Variants in PPP2R2B observed in about 807,000 individuals in gnomAD.
PPP2R2B encodes the protein serine/threonine-protein phosphatase 2A 55 kDa regulatory subunit B beta isoform.
In PPP2R2B, 5 loss-of-function variants were observed where a neutral mutation model predicts 46.0. The observed-to-expected ratio is 0.11, with a 90% CI of 0.06 to 0.23. The LOEUF is 0.23. PPP2R2B is among the 10% of genes least tolerant of loss of function. The probability of loss-of-function intolerance (pLI) is 1.00; values close to 1 mark genes in which losing one functional copy is unlikely to be tolerated. For synonymous variants in PPP2R2B, 215 were observed against 206.7 expected, an observed-to-expected ratio of 1.04 and a Z score of -0.34; for missense variants, 367 against 575.0, an observed-to-expected ratio of 0.64 and a Z score of 3.70.
At chr5:146,668,572 C>A (rs968157074) in intron 5 of PPP2R2B, among the ~76,000 whole-genome samples, 60 of 152,286 alleles carry the variant, frequency 3.9e-4, no homozygotes, top group South Asian at 2.1e-4. Context: ...TCTTCTGGAA[C>A]AACACACTAT....
intron 2 of PPP2R2B, among the ~76,000 whole-genome samples, chr5:147,080,889 GA>G (rs564757567): frequency 1.3e-4 from 19 of 147,132 alleles, no homozygotes; most frequent in East Asian, 3.9e-4. Flanking sequence ...AATTTCAACA[GA>G]AAAAAAAAAC....
intron 2 of PPP2R2B, among the ~76,000 whole-genome samples, chr5:147,072,853 G>T (rs919482131): frequency 9.9e-5 from 15 of 152,226 alleles, no homozygotes; most frequent in African/African-American, 3.6e-4. Flanking sequence ...ATGTGGGTCT[G>T]TGTACCCAGA....
At chr5:146,758,874 C>T (rs1193274952) in intron 2 of PPP2R2B, among the ~76,000 whole-genome samples, 1 of 152,156 alleles carries the variant, frequency 6.6e-6, no homozygotes, top group Non-Finnish European at 1.5e-5. Flanking sequence ...AATCCTGTCT[C>T]TACAGACCCC....
At chr5:146,706,822 T>C (rs1779890974) in intron 2 of PPP2R2B, 2 of 933,668 alleles carry the variant, frequency 2.1e-6, no homozygotes, top group Non-Finnish European at 3.5e-6. Context: ...CCTCGTACTG[T>C]ACCTTGACCT....
At chr5:146,821,791 C>G (rs1385965452) in intron 2 of PPP2R2B, among the ~76,000 whole-genome samples, 1 of 151,036 alleles carries the variant, frequency 6.6e-6, no homozygotes, top group Admixed American at 6.6e-5. Context: ...AAAAAAAAAG[C>G]TTAATTACAT....
chr5:146,646,078 T>C (rs1228551169), intron 6 of PPP2R2B, among the ~76,000 whole-genome samples: 1 of 152,224 alleles, frequency 6.6e-6, no homozygotes, highest in African/African-American at 2.4e-5. Flanking sequence ...ATATTCCCTG[T>C]CTTCACAGAA....
intron 2 of PPP2R2B, among the ~76,000 whole-genome samples, chr5:147,063,776 C>A (rs150215887): frequency 3.3e-5 from 5 of 152,268 alleles, no homozygotes; most frequent in African/African-American, 1.2e-4. Flanking sequence ...TCTTCTTGGA[C>A]AGATGAGAAT....
Position 146,595,679 on chromosome 5 carries a change from C to T in PPP2R2B, c.961-2617G>A, listed in dbSNP as rs143951903. Among the ~76,000 whole-genome samples, 229 of 152,180 alleles carry T rather than the reference C, an allele frequency of 1.5e-3. 1 individual carries two copies. The South Asian group carries it at 0.031, about 20-fold the overall frequency. On this transcript the variant is annotated intron_variant, in intron 8 of 9. Coordinates refer to ENST00000394411, the MANE Select transcript of PPP2R2B (RefSeq NM_181675.4). ...TATGCTGTATTTATGTTTTGTTGCA[C>T]AGAAAAAAAGTCTTCTTAGGCAAAC...
At chr5:147,058,510 A>T (rs1302988672), upstream of PPP2R2B, among the ~76,000 whole-genome samples, 2 of 152,146 alleles carry the variant, frequency 1.3e-5, no homozygotes, top group Non-Finnish European at 2.9e-5. Flanking sequence ...AACAAACAAA[A>T]TGTGTCTTCT....
chr5:147,045,389 C>T (rs1377084878), intron 1 of PPP2R2B, among the ~76,000 whole-genome samples: 1 of 152,104 alleles, frequency 6.6e-6, no homozygotes, highest in African/African-American at 2.4e-5. Flanking sequence ...GAATTCAGGA[C>T]TGTAACATGC....
chr5:146,662,077 T>C (rs1236278399), intron 5 of PPP2R2B, among the ~76,000 whole-genome samples: 1 of 152,164 alleles, frequency 6.6e-6, no homozygotes, highest in Non-Finnish European at 1.5e-5. Context: ...TTAGGATAAA[T>C]ATCACTGAAT....
intron 2 of PPP2R2B, among the ~76,000 whole-genome samples, chr5:146,847,017 A>C (rs1760051827): frequency 2.6e-5 from 4 of 152,208 alleles, no homozygotes; most frequent in Admixed American, 1.3e-4. Flanking sequence ...TGGGTGGGAA[A>C]ACATCTTCAT....
intron 2 of PPP2R2B, among the ~76,000 whole-genome samples, chr5:146,774,284 A>G (rs1189231138): frequency 6.6e-6 from 1 of 152,132 alleles, no homozygotes; most frequent in East Asian, 1.9e-4. Flanking sequence ...AGCATTTAGT[A>G]AATGGGAGCT....
At chr5:146,772,036 T>A (rs1754889607) in intron 2 of PPP2R2B, among the ~76,000 whole-genome samples, 1 of 152,164 alleles carries the variant, frequency 6.6e-6, no homozygotes, top group Admixed American at 6.6e-5. Context: ...CAGCATTGCT[T>A]ATACTAGCAG....
chr5:146,661,871 T>A (rs933219483), intron 5 of PPP2R2B, among the ~76,000 whole-genome samples: 1 of 152,162 alleles, frequency 6.6e-6, no homozygotes, highest in Non-Finnish European at 1.5e-5. Context: ...TTTTACATTG[T>A]GTAATGCCAC....
chr5:146,825,522 G>A (rs1758523084), intron 2 of PPP2R2B, among the ~76,000 whole-genome samples: 1 of 152,180 alleles, frequency 6.6e-6, no homozygotes. Context: ...GCACTTGCTT[G>A]CATTTCTATT....
intron 5 of PPP2R2B, among the ~76,000 whole-genome samples, chr5:146,677,466 T>C (rs374603939): frequency 6.6e-6 from 1 of 152,098 alleles, no homozygotes; most frequent in East Asian, 1.9e-4. Flanking sequence ...GATTGCTTTA[T>C]TTTTCACATT....
At chr5:146,775,789 A>C (rs972088639) in intron 2 of PPP2R2B, among the ~76,000 whole-genome samples, 1 of 152,182 alleles carries the variant, frequency 6.6e-6, no homozygotes, top group Non-Finnish European at 1.5e-5. Flanking sequence ...GCAAAGTTGC[A>C]GAATACAAAT....
chr5:146,784,694 G>A (rs978178012), intron 2 of PPP2R2B, among the ~76,000 whole-genome samples: 2 of 152,068 alleles, frequency 1.3e-5, no homozygotes, highest in Non-Finnish European at 2.9e-5. Context: ...CTTTTTGTGT[G>A]GCTCTCAGCT....
Sources: gnomAD v4.1 joint callset for allele counts (sites outside exome capture counted in the v4.1 genomes callset) on GRCh38, gnomAD v4.1.1 for gene constraint, MANE v1.5 for transcripts, NCBI Gene and HGNC (gene_info 2026-07-23, HGNC 2026-07-21) for gene names.